Variants in GRM1 observed in about 807,000 individuals in gnomAD.
The protein encoded by GRM1 is glutamate metabotropic receptor 1.
A neutral mutation model predicts 90.9 loss-of-function variants in GRM1; 33 were observed. That is an observed-to-expected ratio of 0.36 (90% CI 0.28 to 0.49). The LOEUF (loss-of-function observed/expected upper bound fraction) is 0.49. Ranked by LOEUF, GRM1 falls within the 20% of genes least tolerant of loss-of-function variation. The pLI is 0.99. For synonymous variants in GRM1, 700 were observed against 613.2 expected (o/e 1.14, Z -2.09); for missense variants, 1,190 against 1,534.3 (o/e 0.78, Z 3.75).
chr6:146,274,891 T>A (rs2114835863), intron 2 of GRM1, among the ~76,000 whole-genome samples: 1 of 152,182 alleles, frequency 6.6e-6, no homozygotes, highest in Admixed American at 6.5e-5. Flanking sequence ...TTAGCCGGGC[T>A]TGATGGTGGG....
intron 6 of GRM1, among the ~76,000 whole-genome samples, chr6:146,393,676 A>G (rs1280223103): frequency 6.6e-6 from 1 of 152,194 alleles, no homozygotes; most frequent in Non-Finnish European, 1.5e-5. Context: ...GTATCGTGAA[A>G]ATGGCCATAC....
intron 2 of GRM1, among the ~76,000 whole-genome samples, chr6:146,178,015 A>G (rs1778396280): frequency 6.6e-6 from 1 of 152,204 alleles, no homozygotes; most frequent in Non-Finnish European, 1.5e-5. Context: ...ATATTTTATT[A>G]GTAGAGTACA....
intron 7 of GRM1, among the ~76,000 whole-genome samples, chr6:146,411,344 T>C (rs150870952): frequency 8.5e-5 from 13 of 152,134 alleles, no homozygotes; most frequent in African/African-American, 2.9e-4. Flanking sequence ...AAAAAAGCAC[T>C]CACAGATGAT....
chr6:146,332,921 C>T (rs1784633869), intron 3 of GRM1, among the ~76,000 whole-genome samples: 1 of 152,166 alleles, frequency 6.6e-6, no homozygotes, highest in Non-Finnish European at 1.5e-5. Flanking sequence ...CTCAAATATA[C>T]ACTTATTCGT....
intron 2 of GRM1, among the ~76,000 whole-genome samples, chr6:146,248,092 T>C (rs1346355734): frequency 6.6e-6 from 1 of 151,884 alleles, no homozygotes; most frequent in Non-Finnish European, 1.5e-5. Context: ...GACAAAAGCT[T>C]TCTGCTTAGT....
At chr6:146,082,348 G>A (rs1013200878) in intron 1 of GRM1, among the ~76,000 whole-genome samples, 1 of 152,016 alleles carries the variant, frequency 6.6e-6, no homozygotes, top group Non-Finnish European at 1.5e-5. Context: ...TAGAGACAGG[G>A]TTTCACCATA....
chr6:146,029,885 T>C lies in GRM1; in HGVS notation c.368T>C (p.Ile123Thr). 2 of 1,614,116 alleles carry C rather than the reference T, an allele frequency of 1.2e-6. No individual in the cohort carries two copies. Among genetic ancestry groups the C allele is most frequent in the Non-Finnish European group, 1.7e-6 (2 of 1,180,000 alleles). ...GCTCTGGAACAGAGCATTGAGTTCA[T>C]TAGGGACTCTCTGATTTCCATTCGA... The part of the protein sequence containing the change: ...SVALEQSIEF[I>T]RDSLISIRDE... The change falls in exon 1 of 8, where the codon ATT becomes ACT. Residue 123 changes from isoleucine (I) to threonine (T), a missense_variant. Physicochemically the swap from Ile to Thr is moderately conservative, Grantham distance 89. Transcript: ENST00000282753.
At chr6:146,116,674 A>C (rs941755178) in intron 1 of GRM1, among the ~76,000 whole-genome samples, 81 of 152,108 alleles carry the variant, frequency 5.3e-4, no homozygotes, top group Non-Finnish European at 8.5e-4. Flanking sequence ...CATTGGTTGA[A>C]GATTGTAGCT....
rs571052779 is a variant in GRM1 at position 146,422,171 on chromosome 6, C to T, written c.2661-11701C>T. 2.6e-5 allele frequency among the ~76,000 whole-genome samples: 4 copies of T among 152,238 alleles called. 1 individual carries two copies. Among genetic ancestry groups the T allele is most frequent in the East Asian group, 1.9e-4 (1 of 5,184 alleles). The stretch of plus-strand genomic sequence containing the variant: ...AAAAGTAGATTAACCTCCAAACCTC[C>T]GAAAACATGCAACTTCATAGACAGC... On this transcript the variant is annotated intron_variant, in intron 7 of 7. Coordinates refer to ENST00000282753, the MANE Select transcript of GRM1 (RefSeq NM_001278064.2).
intron 1 of GRM1, among the ~76,000 whole-genome samples, chr6:146,099,777 C>G (rs985749044): frequency 6.6e-6 from 1 of 152,098 alleles, no homozygotes; most frequent in African/African-American, 2.4e-5. Context: ...AATGAATATA[C>G]CACAGTTTAT....
At chr6:146,385,550 T>C (rs1262905039) in intron 5 of GRM1, among the ~76,000 whole-genome samples, 3 of 151,914 alleles carry the variant, frequency 2.0e-5, no homozygotes, top group African/African-American at 7.2e-5. Context: ...GGCATGGCTG[T>C]AAATGTTAAA....
intron 3 of GRM1, 138 bp downstream of exon 3, chr6:146,304,984 A>G (rs985902414): frequency 8.4e-6 from 6 of 715,336 alleles, no homozygotes; most frequent in Non-Finnish European, 1.5e-5. Context: ...ATAAAATGCT[A>G]GAATAAGGAG....
chr6:146,201,457 A>G (rs1270353505), intron 2 of GRM1, among the ~76,000 whole-genome samples: 2 of 152,206 alleles, frequency 1.3e-5, no homozygotes, highest in Non-Finnish European at 2.9e-5. Flanking sequence ...GTGCCTGCCA[A>G]TTTGGTGTCT....
intron 2 of GRM1, among the ~76,000 whole-genome samples, chr6:146,296,866 A>G (rs1245517642): frequency 6.6e-6 from 1 of 152,116 alleles, no homozygotes; most frequent in Non-Finnish European, 1.5e-5. Context: ...TAAGACTTCA[A>G]ATATCCCAGT....
chr6:146,352,702 C>T (rs1208139868), intron 4 of GRM1, among the ~76,000 whole-genome samples: 1 of 152,130 alleles, frequency 6.6e-6, no homozygotes, highest in African/African-American at 2.4e-5. Flanking sequence ...TTTTTCAACA[C>T]CCAATACCCA....
intron 3 of GRM1, among the ~76,000 whole-genome samples, chr6:146,312,732 A>G (rs966041217): frequency 6.6e-6 from 1 of 152,236 alleles, no homozygotes; most frequent in Non-Finnish European, 1.5e-5. Flanking sequence ...GTATTTGGAT[A>G]TAATTCACAA....
chr6:146,046,826 T>C lies in GRM1; in HGVS notation c.700+16609T>C, dbSNP rs1253478184. On this transcript the variant is annotated intron_variant, in intron 1 of 7. Coordinates refer to ENST00000282753, the MANE Select transcript of GRM1 (RefSeq NM_001278064.2). The stretch of plus-strand genomic sequence containing the variant: ...TTCTTACCATTGTTTTTAGTCCAGA[T>C]GGAGGGCTAGAGAAAGGATTATTGC... Among the ~76,000 whole-genome samples, 5 of 152,078 alleles carry C rather than the reference T, an allele frequency of 3.3e-5. No individual in the cohort carries two copies. In the East Asian group the frequency reaches 9.7e-4, roughly 30 times the overall value.
chr6:146,399,105 G>A lies in GRM1; in HGVS notation c.2066G>A (p.Ser689Asn), dbSNP rs890665435. Reference sequence around the variant, plus strand: ...CGTATTGCACGCATCCTGGCTGGCAGCAAGAAGAAGATCTGCACCCGGAAG... The same window carrying A: ...CGTATTGCACGCATCCTGGCTGGCAACAAGAAGAAGATCTGCACCCGGAAG... ...TNRIARILAGSKKKICTRKPR... is the reference protein window; with the variant it reads ...TNRIARILAGNKKKICTRKPR... Residue 689 changes from serine (S) to asparagine (N), a missense_variant, in exon 7 of 8, where the codon AGC (serine) becomes AAC (asparagine). Ser to Asn is a conservative substitution (Grantham distance 46, BLOSUM62 1). Around this residue, in one of 10 missense-constraint regions of GRM1, gnomAD observed 414 missense variants for 598.4 expected, o/e 0.69. Transcript: ENST00000282753. This position sits in a 1 kb window ranked among gnomAD's most constrained non-coding sequence, Gnocchi z 5.4. The A allele has an allele frequency of 6.2e-7, 1 of 1,614,090 alleles. No homozygotes were observed. Among genetic ancestry groups the A allele is most frequent in the Non-Finnish European group, 8.5e-7 (1 of 1,180,010 alleles).
intron 1 of GRM1, among the ~76,000 whole-genome samples, chr6:146,142,605 C>T (rs926862568): frequency 2.0e-5 from 3 of 151,988 alleles, no homozygotes; most frequent in African/African-American, 7.2e-5. Flanking sequence ...GCACTCAAGC[C>T]ACAAGACAAA....
Sources: gnomAD v4.1 joint callset for allele counts (sites outside exome capture counted in the v4.1 genomes callset) on GRCh38, gnomAD v4.1.1 for gene constraint, gnomAD v4.1.1 regional missense constraint, Gnocchi (gnomAD v3.1) non-coding constraint, MANE v1.5 for transcripts, NCBI Gene and HGNC (gene_info 2026-07-23, HGNC 2026-07-21) for gene names.